The following USP3 variants were observed in gnomAD, a reference collection of about 807,000 sequenced individuals.
USP3 encodes ubiquitin carboxyl-terminal hydrolase 3.
USP3 carries 20 observed loss-of-function variants against 72.3 expected under a neutral mutation model. The observed-to-expected ratio is 0.28, with a 90% CI of 0.19 to 0.40. The LOEUF is 0.40. Ranked by LOEUF, USP3 falls within the 10% of genes least tolerant of loss-of-function variation. USP3 has a pLI of 1.00. For synonymous variants in USP3, 222 were observed against 225.3 expected, an observed-to-expected ratio of 0.99 and a Z score of 0.13; for missense variants, 479 against 633.9, an observed-to-expected ratio of 0.76 and a Z score of 2.62.
intron 3 of USP3, chr15:63,542,336 T>C: frequency 3.2e-6 from 1 of 311,918 alleles, no homozygotes; most frequent in Non-Finnish European, 4.7e-6. Context: ...TGCTAGCTAC[T>C]ATTGGACAGT....
chr15:63,527,601 C>G (rs927211031), intron 1 of USP3, among the ~76,000 whole-genome samples: 23 of 152,170 alleles, frequency 1.5e-4, no homozygotes, highest in African/African-American at 4.8e-4. Context: ...TGCATACTAA[C>G]AGGATATTGA....
rs187111080 is a variant in USP3 at position 63,570,166 on chromosome 15, A to G, written c.762-267A>G. On this transcript the variant is annotated intron_variant, in intron 8 of 14. Coordinates refer to ENST00000380324, the MANE Select transcript of USP3 (RefSeq NM_006537.4). The surrounding 1 kb of genome is among the most constrained non-coding windows in gnomAD (Gnocchi z 4.4). Reference sequence around the variant, plus strand: ...CACATACCACCCCGCCACCTCCACAATTTCCTCACCTCTGAAGTGAGGAGA... The same window carrying G: ...CACATACCACCCCGCCACCTCCACAGTTTCCTCACCTCTGAAGTGAGGAGA... 3.3e-5 allele frequency among the ~76,000 whole-genome samples: 5 copies of G among 152,310 alleles called. No homozygotes were observed. The highest frequency in any genetic ancestry group is 1.3e-4 in the Admixed American group (2 of 15,304).
At chr15:63,581,574 G>GTTTTTTTTTTT (rs2066964283) in intron 11 of USP3, among the ~76,000 whole-genome samples, 1 of 130,320 alleles carries the variant, frequency 7.7e-6, no homozygotes. Flanking sequence ...TTTTTTTTTG[G>GTTTTTTTTTTT]ATTTTTGGTA....
chr15:63,575,929 C>T (rs1471493883), intron 11 of USP3, among the ~76,000 whole-genome samples: 1 of 151,456 alleles, frequency 6.6e-6, no homozygotes, highest in East Asian at 1.9e-4. Flanking sequence ...GTAATAATCA[C>T]ATTAGTTTAA....
Position 63,528,996 on chromosome 15 carries a change from T to A in USP3, c.92-3651T>A. On this transcript the variant is annotated intron_variant, in intron 1 of 14. Coordinates refer to ENST00000380324, the MANE Select transcript of USP3 (RefSeq NM_006537.4). This position sits in a 1 kb window ranked among gnomAD's most constrained non-coding sequence, Gnocchi z 4.3. Reference sequence around the variant, plus strand: ...CTTCAGAATCCCTCATAATACCCTATCCTCTGTATCTTTCTAGCCTTCAAA... The same window carrying A: ...CTTCAGAATCCCTCATAATACCCTAACCTCTGTATCTTTCTAGCCTTCAAA... The A allele has an allele frequency of 7.8e-7, 1 of 1,288,558 alleles. No individual in the cohort carries two copies. The allele number at this position is 1,288,558 out of a possible 1,614,324, so 79.8% of individuals were successfully genotyped here.
intron 7 of USP3, among the ~76,000 whole-genome samples, chr15:63,562,629 G>A (rs189055847): frequency 5.0e-4 from 76 of 152,312 alleles, no homozygotes; most frequent in Admixed American, 3.1e-3. Context: ...GTTTGCTTGC[G>A]TGTTTTAACT....
chr15:63,523,358 C>T (rs2065942734), intron 1 of USP3, among the ~76,000 whole-genome samples: 1 of 152,226 alleles, frequency 6.6e-6, no homozygotes. Flanking sequence ...ACGAACTTAG[C>T]GTAAGGTCAT....
chr15:63,562,838 G>T (rs1333345485), intron 7 of USP3, 57 bp from the exon 8 acceptor site: 3 of 1,133,466 alleles, frequency 2.6e-6, no homozygotes, highest in Non-Finnish European at 3.8e-6. Flanking sequence ...GGTGGACGCT[G>T]TGTTGAAATT....
chr15:63,537,837 C>T (rs760761884), intron 3 of USP3, among the ~76,000 whole-genome samples: 2 of 152,118 alleles, frequency 1.3e-5, no homozygotes, highest in Non-Finnish European at 2.9e-5. Context: ...AAGCATGTGC[C>T]GCCATGCCCA....
At chr15:63,530,539 C>CT (rs2066056684) in intron 1 of USP3, 1 of 381,940 alleles carries the variant, frequency 2.6e-6, no homozygotes, top group African/African-American at 2.2e-5. Flanking sequence ...TCTCGAACTC[C>CT]TGGACTCAAG....
intron 1 of USP3, among the ~76,000 whole-genome samples, chr15:63,523,658 C>A (rs1329870943): frequency 6.6e-6 from 1 of 152,150 alleles, no homozygotes; most frequent in African/African-American, 2.4e-5. Flanking sequence ...GAACAATTTG[C>A]TAGGAATTTT....
intron 3 of USP3, among the ~76,000 whole-genome samples, chr15:63,550,898 T>G (rs2066426997): frequency 6.6e-6 from 1 of 152,180 alleles, no homozygotes; most frequent in African/African-American, 2.4e-5. Context: ...GGCTCACACC[T>G]GTAATCTCAG....
chr15:63,591,909 GT>G lies in USP3; in HGVS notation c.*1087del, dbSNP rs2067208614. On this transcript the variant is annotated 3_prime_UTR_variant, in exon 15 of 15. Coordinates refer to ENST00000380324, the MANE Select transcript of USP3 (RefSeq NM_006537.4). Reference sequence around the variant, plus strand: ...GTTGGAGTAAGTAAGTGGAGTTTTCGTTTTGTTTTTTGGGGGTTTTTGGAGA... The same window carrying G: ...GTTGGAGTAAGTAAGTGGAGTTTTCGTTTGTTTTTTGGGGGTTTTTGGAGA... 1 of 152,088 alleles carries G rather than the reference GT, an allele frequency of 6.6e-6. No individual in the cohort carries two copies. Among genetic ancestry groups the G allele is most frequent in the African/African-American group, 2.4e-5 (1 of 41,392 alleles). The allele number at this position is 152,088 out of a possible 1,614,324, so 9.4% of individuals were successfully genotyped here.
intron 1 of USP3, among the ~76,000 whole-genome samples, chr15:63,519,054 C>G (rs1157639574): frequency 6.6e-6 from 1 of 152,176 alleles, no homozygotes; most frequent in Admixed American, 6.5e-5. Context: ...CGTGAGCCAC[C>G]GCGCCTGGCC....
chr15:63,585,317 A>G (rs978015016), intron 11 of USP3, among the ~76,000 whole-genome samples: 72 of 152,178 alleles, frequency 4.7e-4, no homozygotes, highest in African/African-American at 1.5e-3. Flanking sequence ...TGCTTTGGGT[A>G]GTAATAATCA....
At chr15:63,530,831 G>A (rs1461033780) in intron 1 of USP3, among the ~76,000 whole-genome samples, 2 of 152,052 alleles carry the variant, frequency 1.3e-5, no homozygotes, top group Non-Finnish European at 2.9e-5. Context: ...ACACCATAGG[G>A]GAGTACAAAT....
intron 1 of USP3, among the ~76,000 whole-genome samples, chr15:63,531,557 T>G (rs959932407): frequency 9.2e-5 from 14 of 152,220 alleles, no homozygotes; most frequent in Non-Finnish European, 1.9e-4. Context: ...CTTACAGTTC[T>G]CCATTCACCT....
rs1237573325 is a variant in USP3 at position 63,591,936 on chromosome 15, CAA to C, written c.*1111_*1112del. On this transcript the variant is annotated 3_prime_UTR_variant, in exon 15 of 15. Coordinates refer to ENST00000380324, the MANE Select transcript of USP3 (RefSeq NM_006537.4). ...TTTGTTTTTTGGGGGTTTTTGGAGA[CAA>C]GAGTCTCTCTCTGTTGCCCAGGCTG... The C allele has an allele frequency of 2.6e-5, 4 of 152,172 alleles. No individual in the cohort carries two copies. The highest frequency in any genetic ancestry group is 9.7e-5 in the African/African-American group (4 of 41,402). The allele number at this position is 152,172 out of a possible 1,614,324, so 9.4% of individuals were successfully genotyped here.
rs555632197 is a variant in USP3 at position 63,510,667 on chromosome 15, T to G, written c.91+5837T>G. Among the ~76,000 whole-genome samples the G allele has an allele frequency of 2.0e-5, 3 of 152,300 alleles. No homozygotes were observed. The South Asian group carries it at 6.2e-4, about 32-fold the overall frequency. On this transcript the variant is annotated intron_variant, in intron 1 of 14. Transcript: ENST00000380324. ...AGGAAGTACTTTGATGGGTTCTCAGTAGGGGCTAGTACTTTTTGGAGGGTG... is the reference window on the plus strand; with the variant it reads ...AGGAAGTACTTTGATGGGTTCTCAGGAGGGGCTAGTACTTTTTGGAGGGTG...
Sources: gnomAD v4.1 joint callset for allele counts (sites outside exome capture counted in the v4.1 genomes callset) on GRCh38, gnomAD v4.1.1 for gene constraint, Gnocchi (gnomAD v3.1) non-coding constraint, MANE v1.5 for transcripts, NCBI Gene and HGNC (gene_info 2026-07-23, HGNC 2026-07-21) for gene names.